Variants in MDGA2 observed in about 807,000 individuals in gnomAD.
MDGA2 encodes the protein MAM domain containing glycosylphosphatidylinositol anchor 2.
In MDGA2, 40 loss-of-function variants were observed where a neutral mutation model predicts 117.8. That is an observed-to-expected ratio of 0.34 (90% CI 0.26 to 0.44). The LOEUF (loss-of-function observed/expected upper bound fraction) is 0.44. MDGA2 is among the 20% of genes least tolerant of loss of function. MDGA2 has a pLI of 1.00. For missense variants in MDGA2, 1,123 were observed against 1,250.6 expected, an observed-to-expected ratio of 0.90 and a Z score of 1.54; for synonymous variants, 452 against 439.0, an observed-to-expected ratio of 1.03 and a Z score of -0.37.
intron 1 of MDGA2, among the ~76,000 whole-genome samples, chr14:47,471,545 G>A (rs559612092): frequency 6.6e-6 from 1 of 152,134 alleles, no homozygotes; most frequent in East Asian, 1.9e-4. Flanking sequence ...TTTAGAACTA[G>A]TCTTCTCTGG....
intron 8 of MDGA2, among the ~76,000 whole-genome samples, chr14:46,978,168 G>A (rs1380290433): frequency 6.6e-6 from 1 of 151,836 alleles, no homozygotes; most frequent in East Asian, 1.9e-4. Flanking sequence ...TATAATTCCA[G>A]TAGCTGTAAA....
At chr14:47,169,062 C>T (rs1884012669) in intron 3 of MDGA2, among the ~76,000 whole-genome samples, 1 of 151,840 alleles carries the variant, frequency 6.6e-6, no homozygotes, top group Non-Finnish European at 1.5e-5. Flanking sequence ...TTTAGTTGGT[C>T]TTTCTCAGGC....
chr14:46,879,423 C>T (rs1169554475), intron 11 of MDGA2, among the ~76,000 whole-genome samples: 1 of 151,896 alleles, frequency 6.6e-6, no homozygotes, highest in Admixed American at 6.6e-5. Context: ...TGCCTCTAAA[C>T]CATTAAAGTA....
chr14:47,549,085 T>A (rs1330916175), intron 1 of MDGA2, among the ~76,000 whole-genome samples: 1 of 152,122 alleles, frequency 6.6e-6, no homozygotes, highest in Non-Finnish European at 1.5e-5. Flanking sequence ...AGGATGGAGT[T>A]TTTTGAGGGG....
chr14:46,910,616 T>C (rs918694490), intron 10 of MDGA2, among the ~76,000 whole-genome samples: 3 of 151,940 alleles, frequency 2.0e-5, no homozygotes, highest in Non-Finnish European at 2.9e-5. Flanking sequence ...AACATAACAA[T>C]GGGAGTTCTG....
intron 9 of MDGA2, among the ~76,000 whole-genome samples, chr14:46,940,463 T>C (rs558381536): frequency 1.3e-5 from 2 of 151,898 alleles, no homozygotes; most frequent in Admixed American, 1.3e-4. Context: ...ACCTGGTCTC[T>C]ACAAAAACAT....
intron 5 of MDGA2, among the ~76,000 whole-genome samples, chr14:47,111,242 G>T (rs1394902522): frequency 2.0e-5 from 3 of 152,162 alleles, no homozygotes; most frequent in Admixed American, 1.3e-4. Flanking sequence ...AGTGAAAAGT[G>T]AAGCTGGGAT....
intron 1 of MDGA2, among the ~76,000 whole-genome samples, chr14:47,538,813 A>T (rs1013357282): frequency 6.6e-6 from 1 of 152,194 alleles, no homozygotes; most frequent in African/African-American, 2.4e-5. Flanking sequence ...TCTGGGTGCC[A>T]GCACTTAATT....
At chr14:47,166,446 A>T (rs1019150858) in intron 3 of MDGA2, among the ~76,000 whole-genome samples, 5 of 152,200 alleles carry the variant, frequency 3.3e-5, no homozygotes, top group African/African-American at 1.2e-4. Context: ...TTATAGATAT[A>T]TAATTTTCTA....
At chr14:47,637,557 T>G (rs1173420505) in intron 1 of MDGA2, among the ~76,000 whole-genome samples, 1 of 152,118 alleles carries the variant, frequency 6.6e-6, no homozygotes, top group East Asian at 1.9e-4. Context: ...AGGAAATAAT[T>G]TTTGGAGGTT....
chr14:47,475,345 G>C (rs1213659615), intron 1 of MDGA2, among the ~76,000 whole-genome samples: 1 of 152,124 alleles, frequency 6.6e-6, no homozygotes, highest in Non-Finnish European at 1.5e-5. Context: ...CGAGGTTGTG[G>C]AGAAAAAGGA....
In MDGA2 at chr14:47,498,254, C is replaced by A. The variant is rs539177061; in HGVS notation, c.280+176263G>T. Among the ~76,000 whole-genome samples the A allele has an allele frequency of 5.3e-5, 8 of 152,254 alleles. No homozygotes were observed. In the South Asian group the frequency reaches 6.2e-4, roughly 12 times the overall value. Reference sequence around the variant, plus strand: ...AGATACCAGAATCTTCCTCATGTACCTTTCTTTGCTGTAATATAATCCTTT... The same window carrying A: ...AGATACCAGAATCTTCCTCATGTACATTTCTTTGCTGTAATATAATCCTTT... On this transcript the variant is annotated intron_variant, in intron 1 of 16. Transcript: ENST00000399232.
intron 3 of MDGA2, among the ~76,000 whole-genome samples, chr14:47,209,742 G>T (rs889509119): frequency 1.3e-5 from 2 of 152,006 alleles, no homozygotes; most frequent in Admixed American, 6.6e-5. Context: ...ACTCTTCATC[G>T]GTATAATTCA....
chr14:47,058,658 A>G, intron 7 of MDGA2: 1 of 985,192 alleles, frequency 1.0e-6, no homozygotes, highest in Non-Finnish European at 1.2e-6. Context: ...TGAATCATAC[A>G]ATCTCAGATT....
At chr14:47,069,426 G>A (rs1890198882) in intron 6 of MDGA2, among the ~76,000 whole-genome samples, 1 of 151,994 alleles carries the variant, frequency 6.6e-6, no homozygotes, top group Non-Finnish European at 1.5e-5. Context: ...TGTCATGACA[G>A]TCTCCCTGGT....
intron 1 of MDGA2, among the ~76,000 whole-genome samples, chr14:47,671,489 G>C (rs1898073465): frequency 6.6e-6 from 1 of 152,190 alleles, no homozygotes; most frequent in Non-Finnish European, 1.5e-5. Flanking sequence ...TAATGACATA[G>C]TTCTCAATCA....
At chr14:47,195,053 C>A (rs1298539426) in intron 3 of MDGA2, among the ~76,000 whole-genome samples, 1 of 151,940 alleles carries the variant, frequency 6.6e-6, no homozygotes, top group Non-Finnish European at 1.5e-5. Context: ...CAATAAGGTA[C>A]AATTCTCATA....
chr14:47,665,904 G>A (rs1897946828), intron 1 of MDGA2, among the ~76,000 whole-genome samples: 1 of 149,324 alleles, frequency 6.7e-6, no homozygotes, highest in Admixed American at 6.7e-5. Context: ...CCTGCTCCAT[G>A]GTGCCCAGTC....
chr14:46,958,226 G>GT (rs1396649558), intron 8 of MDGA2, among the ~76,000 whole-genome samples: 2 of 152,142 alleles, frequency 1.3e-5, no homozygotes, highest in African/African-American at 4.8e-5. Flanking sequence ...AGATGGTCAG[G>GT]TGAGTAAGCA....
Sources: gnomAD v4.1 joint callset for allele counts (sites outside exome capture counted in the v4.1 genomes callset) on GRCh38, gnomAD v4.1.1 for gene constraint, MANE v1.5 for transcripts, NCBI Gene and HGNC (gene_info 2026-07-23, HGNC 2026-07-21) for gene names.